Variants in ABR observed in about 807,000 individuals in gnomAD.
ABR encodes the protein active breakpoint cluster region-related protein.
ABR carries 35 observed loss-of-function variants against 107.2 expected under a neutral mutation model. The observed-to-expected ratio is 0.33, with a 90% CI of 0.25 to 0.43. The LOEUF (loss-of-function observed/expected upper bound fraction) is 0.43, where lower values mean the gene tolerates loss of function less well. ABR is among the 20% of genes least tolerant of loss of function. The pLI is 1.00. For synonymous variants in ABR, 498 were observed against 462.0 expected (o/e 1.08, Z -1.00); for missense variants, 815 against 1,115.2 (o/e 0.73, Z 3.83).
intron 1 of ABR, among the ~76,000 whole-genome samples, chr17:1,136,303 A>T (rs1019739568): frequency 3.2e-5 from 2 of 62,418 alleles, no homozygotes; most frequent in Admixed American, 1.9e-4. Flanking sequence ...ATCTCAGCTC[A>T]CTGCAAGCTC....
Position 1,065,923 on chromosome 17 carries a change from T to C in ABR, c.1182+1154A>G, listed in dbSNP as rs185428927. The stretch of plus-strand genomic sequence containing the variant: ...ACCACGCCAGGCTAATTTTGTATTT[T>C]CAGTAGAAATGGGGTTTCACCATGT... On this transcript the variant is annotated intron_variant, in intron 10 of 22. Transcript: ENST00000302538. 2.3e-4 allele frequency among the ~76,000 whole-genome samples: 35 copies of C among 152,256 alleles called. No homozygotes were observed. In the East Asian group the frequency reaches 2.3e-3, roughly 10 times the overall value.
In ABR at chr17:1,005,840, C is replaced by A; in HGVS notation, c.*240G>T. On this transcript the variant is annotated 3_prime_UTR_variant, in exon 23 of 23. Coordinates refer to ENST00000302538, the MANE Select transcript of ABR (RefSeq NM_021962.5). Reference sequence around the variant, plus strand: ...ACAATTCCCGAACAGCACGGAGCATCAGACACAACTAGAGGTATGGAGGGC... The same window carrying A: ...ACAATTCCCGAACAGCACGGAGCATAAGACACAACTAGAGGTATGGAGGGC... 1 of 577,508 alleles carries A rather than the reference C, an allele frequency of 1.7e-6. No individual in the cohort carries two copies. Among genetic ancestry groups the A allele is most frequent in the Non-Finnish European group, 3.1e-6 (1 of 322,812 alleles). 35.8% of individuals were successfully genotyped at this position (577,508 alleles called of 1,614,324 possible). A position where few individuals can be genotyped will look rare whatever the true frequency, so the allele number is the denominator to read the frequency against.
At chr17:1,049,572 C>G (rs936482712) in intron 16 of ABR, among the ~76,000 whole-genome samples, 1 of 152,154 alleles carries the variant, frequency 6.6e-6, no homozygotes, top group Non-Finnish European at 1.5e-5. Flanking sequence ...ACCCTAACAA[C>G]AAGTCAGAGA....
chr17:1,165,414 C>A (rs1232651801), intron 1 of ABR, among the ~76,000 whole-genome samples: 1 of 152,250 alleles, frequency 6.6e-6, no homozygotes, highest in Non-Finnish European at 1.5e-5. Flanking sequence ...CTTCCGGGAG[C>A]CACCCCTGCC....
At chr17:1,186,433 G>A (rs1013935794) in intron 1 of ABR, among the ~76,000 whole-genome samples, 6 of 152,176 alleles carry the variant, frequency 3.9e-5, no homozygotes, top group Admixed American at 6.5e-5. Context: ...CCTGCTCCCC[G>A]GGGAGCTGCA....
At chr17:1,077,333 C>T (rs996416947) in intron 6 of ABR, among the ~76,000 whole-genome samples, 5 of 152,174 alleles carry the variant, frequency 3.3e-5, no homozygotes, top group Non-Finnish European at 7.3e-5. Context: ...ACCGAAGCAA[C>T]GTGAACTCCA....
chr17:1,057,055 C>A lies in ABR; in HGVS notation c.1429G>T (p.Gly477Ter). Residue 477 changes from glycine to a stop codon, truncating the protein, a stop_gained, in exon 13 of 23, where the codon GGA becomes TGA. Coordinates refer to ENST00000302538, the MANE Select transcript of ABR (RefSeq NM_021962.5). LOFTEE classifies it high-confidence loss of function. ...ACAGTCCTAAGCTTGAAACAGGATC[C>A]TGTGAGCACCTGGAGCTCCACTGAG... ...LSSVELQVLT[G>*]SCFKLRTVHN... The A allele has an allele frequency of 1.2e-6, 2 of 1,613,074 alleles. No homozygotes were observed. The highest frequency in any genetic ancestry group is 1.7e-6 in the Non-Finnish European group (2 of 1,179,286).
At chr17:1,166,166 C>G (rs776267548) in intron 1 of ABR, among the ~76,000 whole-genome samples, 1 of 151,986 alleles carries the variant, frequency 6.6e-6, no homozygotes, top group Non-Finnish European at 1.5e-5. Context: ...TATTTTTACT[C>G]AAAGGTGGTA....
At chr17:1,020,433 C>A (rs1486461327) in intron 16 of ABR, among the ~76,000 whole-genome samples, 1 of 152,224 alleles carries the variant, frequency 6.6e-6, no homozygotes, top group Non-Finnish European at 1.5e-5. Flanking sequence ...CATGACTGCG[C>A]ATTCAGGCCT....
chr17:1,189,012 C>G (rs1005598090), upstream of ABR, among the ~76,000 whole-genome samples: 1 of 152,234 alleles, frequency 6.6e-6, no homozygotes, highest in Admixed American at 6.5e-5. Flanking sequence ...CTAATTTCCT[C>G]TTCCCCAAGC....
At chr17:1,194,236 G>A (rs2150700502) in intron 1 of ABR, among the ~76,000 whole-genome samples, 1 of 151,848 alleles carries the variant, frequency 6.6e-6, no homozygotes, top group East Asian at 2.0e-4. Flanking sequence ...CGCCCAGGCT[G>A]GAGTGCAATG....
chr17:1,108,945 C>T (rs1226912128), intron 2 of ABR: 1 of 1,594,310 alleles, frequency 6.3e-7, no homozygotes, highest in Non-Finnish European at 8.5e-7. Flanking sequence ...TTCACAGCCA[C>T]CAGGAAGGGG....
At chr17:1,193,793 C>T (rs8080856) in intron 1 of ABR, among the ~76,000 whole-genome samples, 87,994 of 151,942 alleles carry the variant, frequency 0.58, 26,317 homozygotes, top group East Asian at 0.72. Context: ...CAGGTTGAAG[C>T]GATTCACCTG....
At chr17:1,057,211 T>C (rs942270891) in intron 12 of ABR, 109 bp from the exon 13 acceptor site, 1 of 713,614 alleles carries the variant, frequency 1.4e-6, no homozygotes, top group Non-Finnish European at 2.5e-6. Flanking sequence ...GGGGCAGACT[T>C]GGTCCTTGCG....
chr17:1,212,529 C>T (rs568967319), intron 1 of ABR, among the ~76,000 whole-genome samples: 393 of 152,128 alleles, frequency 2.6e-3, no homozygotes, highest in Non-Finnish European at 4.5e-3. Flanking sequence ...CTGAGGCGGG[C>T]GGATCATTTG....
Position 1,092,921 on chromosome 17 carries a change from G to A in ABR, c.346-1071C>T, listed in dbSNP as rs987743836. On this transcript the variant is annotated intron_variant, in intron 3 of 22. Coordinates refer to ENST00000302538, the MANE Select transcript of ABR (RefSeq NM_021962.5). This position sits in a 1 kb window ranked among gnomAD's most constrained non-coding sequence, Gnocchi z 4.6. ...TCTCGGCTCCGCCTCCCGGGTTCAC[G>A]CCATTCTCCTGCCTCAGCCTCCCAA... is the stretch of plus-strand genomic sequence containing the variant. Among the ~76,000 whole-genome samples, 12 of 114,108 alleles carry A rather than the reference G, an allele frequency of 1.1e-4. No homozygotes were observed. Among genetic ancestry groups the A allele is most frequent in the East Asian group, 3.0e-4 (1 of 3,338 alleles). 74.9% of individuals were successfully genotyped at this position (114,108 alleles called of 152,430 possible).
intron 2 of ABR, among the ~76,000 whole-genome samples, chr17:1,110,302 CTT>C (rs927310413): frequency 1.5e-4 from 23 of 152,074 alleles, no homozygotes; most frequent in African/African-American, 4.8e-4. Context: ...GGGAAAAGCT[CTT>C]TTACAACCCA....
At chr17:1,127,792 G>T (rs368588009) in intron 1 of ABR, among the ~76,000 whole-genome samples, 1 of 152,188 alleles carries the variant, frequency 6.6e-6, no homozygotes, top group Non-Finnish European at 1.5e-5. Flanking sequence ...CAACGGGGGG[G>T]AAGGGACGGT....
At chr17:1,136,704 C>T (rs2040080166) in intron 1 of ABR, among the ~76,000 whole-genome samples, 1 of 152,212 alleles carries the variant, frequency 6.6e-6, no homozygotes, top group African/African-American at 2.4e-5. Flanking sequence ...AAACTTTCCT[C>T]TGCAGCTTCC....
Sources: allele counts gnomAD v4.1 joint callset (sites outside exome capture counted in the v4.1 genomes callset), GRCh38; gene constraint gnomAD v4.1.1; non-coding constraint Gnocchi (gnomAD v3.1); transcripts MANE v1.5; gene names NCBI Gene and HGNC (gene_info 2026-07-23, HGNC 2026-07-21).